EYS: variants seen among roughly 807,000 people sequenced by gnomAD.
EYS encodes EGF-like photoreceptor maintenance factor, also known as protein eyes shut homolog.
A neutral mutation model predicts 282.1 loss-of-function variants in EYS; 250 were observed. The observed-to-expected ratio is 0.89, with a 90% confidence interval of 0.80 to 0.98. The LOEUF is 0.98. EYS is among the 50% of genes least tolerant of loss of function. EYS has a pLI of 0.00. For synonymous variants in EYS, 1,355 were observed against 1,282.9 expected (o/e 1.06, Z -1.20); for missense variants, 4,016 against 3,709.0 (o/e 1.08, Z -2.15).
intron 26 of EYS, among the ~76,000 whole-genome samples, chr6:64,502,521 C>T (rs1403532291): frequency 5.9e-5 from 9 of 152,142 alleles, no homozygotes; most frequent in Admixed American, 2.6e-4. Flanking sequence ...TGCGCTCGGC[C>T]GGAGGCTGGT....
chr6:64,801,877 C>T (rs1391967391), intron 22 of EYS, among the ~76,000 whole-genome samples: 1 of 151,992 alleles, frequency 6.6e-6, no homozygotes, highest in Non-Finnish European at 1.5e-5. Flanking sequence ...AGGAGAGATT[C>T]TCCAAACAAG....
chr6:65,233,584 T>C (rs950241125), intron 12 of EYS, among the ~76,000 whole-genome samples: 22 of 152,294 alleles, frequency 1.4e-4, no homozygotes, highest in Admixed American at 3.9e-4. Context: ...GCTTGGAGGC[T>C]GCAATCATTA....
intron 35 of EYS, among the ~76,000 whole-genome samples, chr6:63,874,869 G>A (rs976626065): frequency 1.3e-5 from 2 of 152,186 alleles, no homozygotes; most frequent in African/African-American, 4.8e-5. Flanking sequence ...AGGAGATTGT[G>A]GGCTGAGATG....
chr6:65,009,600 C>A (rs913047993), intron 13 of EYS, among the ~76,000 whole-genome samples: 1 of 152,140 alleles, frequency 6.6e-6, no homozygotes, highest in African/African-American at 2.4e-5. Context: ...AGAGATAGCC[C>A]CCATCTATTA....
chr6:65,193,805 T>TG (rs2150241477), intron 12 of EYS, among the ~76,000 whole-genome samples: 1 of 151,812 alleles, frequency 6.6e-6, no homozygotes, highest in African/African-American at 2.4e-5. Context: ...AGGTAAAATT[T>TG]GGGGGATGCT....
At chr6:65,030,919 A>G (rs766673122) in intron 13 of EYS, among the ~76,000 whole-genome samples, 8 of 152,116 alleles carry the variant, frequency 5.3e-5, no homozygotes, top group Non-Finnish European at 1.2e-4. Context: ...ATTCCATGCA[A>G]TGACACCCAT....
intron 33 of EYS, among the ~76,000 whole-genome samples, chr6:64,002,117 A>T (rs1263418665): frequency 1.3e-5 from 2 of 152,234 alleles, no homozygotes; most frequent in Non-Finnish European, 2.9e-5. Flanking sequence ...CCACGGTGGA[A>T]CAATGTAGCA....
intron 24 of EYS, among the ~76,000 whole-genome samples, chr6:64,613,941 G>A (rs1347697336): frequency 6.6e-6 from 1 of 152,052 alleles, no homozygotes; most frequent in East Asian, 1.9e-4. Context: ...TGACCTGCAG[G>A]AAGGGAAATA....
intron 22 of EYS, among the ~76,000 whole-genome samples, chr6:64,643,667 G>C (rs996580105): frequency 6.6e-6 from 1 of 152,140 alleles, no homozygotes; most frequent in African/African-American, 2.4e-5. Context: ...CCCAGGGGCT[G>C]GTTACTGAAT....
At chr6:64,972,342 T>G (rs1770323025) in intron 14 of EYS, among the ~76,000 whole-genome samples, 1 of 152,158 alleles carries the variant, frequency 6.6e-6, no homozygotes, top group African/African-American at 2.4e-5. Context: ...TACAGAAACA[T>G]TCCTATAGAA....
In EYS at chr6:65,384,465, T is replaced by A. The variant is rs1243481311; in HGVS notation, c.1220A>T (p.Lys407Ile). ...GAGCAGTTTACAGTGGTCAATTGCT[T>A]TCTCACAGTTTTTTTCAGTAAATCC... ...ISGFTEKNCEKAIDHCKLLSI... is the reference protein window; with the variant it reads ...ISGFTEKNCEIAIDHCKLLSI... The change falls in exon 8 of 43, where the codon AAA becomes ATA. Residue 407 changes from lysine (K) to isoleucine (I), a missense_variant. By Grantham distance (102) the Lys-to-Ile change is moderately radical. Coordinates refer to ENST00000503581, the MANE Select transcript of EYS (RefSeq NM_001142800.2). 2 of 1,607,336 alleles carry A rather than the reference T, an allele frequency of 1.2e-6. No individual in the cohort carries two copies. Among genetic ancestry groups the A allele is most frequent in the African/African-American group, 2.7e-5 (2 of 74,860 alleles).
At chr6:63,780,963 A>G (rs151175431) in intron 39 of EYS, among the ~76,000 whole-genome samples, 1,842 of 152,360 alleles carry the variant, frequency 0.012, 31 homozygotes, top group African/African-American at 0.043. Flanking sequence ...AGCTTTCTAC[A>G]TATGACTAGC....
At chr6:65,413,802 G>A (rs1251105674) in intron 5 of EYS, among the ~76,000 whole-genome samples, 2 of 152,006 alleles carry the variant, frequency 1.3e-5, no homozygotes, top group Non-Finnish European at 2.9e-5. Flanking sequence ...CTTGCAGTGA[G>A]CCGAGATTGC....
At chr6:65,434,389 C>T (rs1038913191) in intron 5 of EYS, among the ~76,000 whole-genome samples, 1 of 150,924 alleles carries the variant, frequency 6.6e-6, no homozygotes, top group African/African-American at 2.4e-5. Flanking sequence ...GGTGCAATCT[C>T]GGCTCACTGC....
At chr6:65,658,923 C>CT (rs973743237) in intron 1 of EYS, among the ~76,000 whole-genome samples, 1 of 148,606 alleles carries the variant, frequency 6.7e-6, no homozygotes, top group African/African-American at 2.5e-5. Flanking sequence ...CCTTTTTTTT[C>CT]TTTTTTTTAA....
At chr6:64,632,384 T>C (rs1224548076) in intron 22 of EYS, among the ~76,000 whole-genome samples, 3 of 151,866 alleles carry the variant, frequency 2.0e-5, no homozygotes, top group Non-Finnish European at 2.9e-5. Flanking sequence ...ATAGGAAGCC[T>C]CCAGTTAGAA....
intron 35 of EYS, among the ~76,000 whole-genome samples, chr6:63,972,333 C>T (rs1015488361): frequency 4.4e-4 from 67 of 152,078 alleles, no homozygotes; most frequent in African/African-American, 1.6e-3. Flanking sequence ...AAATTCCAGT[C>T]TAGTTTAATT....
intron 33 of EYS, among the ~76,000 whole-genome samples, chr6:63,999,698 T>C (rs1767990449): frequency 6.6e-6 from 1 of 152,204 alleles, no homozygotes; most frequent in Non-Finnish European, 1.5e-5. Flanking sequence ...TCAGAAAGCA[T>C]GCCGCTAATG....
chr6:63,750,251 T>C (rs1769310528), intron 41 of EYS, among the ~76,000 whole-genome samples: 1 of 152,224 alleles, frequency 6.6e-6, no homozygotes, highest in Admixed American at 6.5e-5. Flanking sequence ...TATATCTGCA[T>C]TCGTTAGGGT....
Sources: allele counts gnomAD v4.1 joint callset (sites outside exome capture counted in the v4.1 genomes callset), GRCh38; gene constraint gnomAD v4.1.1; transcripts MANE v1.5; gene names NCBI Gene and HGNC (gene_info 2026-07-23, HGNC 2026-07-21).